The following LINC00305 variants were observed in gnomAD, a reference collection of about 807,000 sequenced individuals.
LINC00305 encodes long intergenic non-protein coding RNA 305.
chr18:64,101,383 G>A (rs2051267438), intron 1 of LINC00305, among the ~76,000 whole-genome samples: 1 of 152,154 alleles, frequency 6.6e-6, no homozygotes, highest in Non-Finnish European at 1.5e-5. Context: ...GTTGTTGAGA[G>A]GCGCATGCTC....
At chr18:64,109,452 TTG>T (rs2051305695) in intron 1 of LINC00305, among the ~76,000 whole-genome samples, 1 of 152,210 alleles carries the variant, frequency 6.6e-6, no homozygotes, top group Non-Finnish European at 1.5e-5. Context: ...AACAACAAAT[TTG>T]TGTTTCATGT....
At chr18:64,118,824 CTGTG>C (rs58215196) in intron 1 of LINC00305, among the ~76,000 whole-genome samples, 17,587 of 144,160 alleles carry the variant, frequency 0.12, 1,116 homozygotes, top group East Asian at 0.19. Context: ...CCCTGGGGGT[CTGTG>C]TGTGTGTGTG....
chr18:64,134,674 G>A (rs950321545), intron 1 of LINC00305, among the ~76,000 whole-genome samples: 3 of 152,108 alleles, frequency 2.0e-5, no homozygotes, highest in East Asian at 1.9e-4. Context: ...TCCAAGTTAC[G>A]TCATTTTCTT....
chr18:64,117,073 C>T (rs1332022265), intron 1 of LINC00305, among the ~76,000 whole-genome samples: 1 of 152,180 alleles, frequency 6.6e-6, no homozygotes, highest in African/African-American at 2.4e-5. Context: ...TCCTTGCTCA[C>T]TCTAATAAAT....
chr18:64,147,519 A>G (rs1166971063), intron 1 of LINC00305: 4 of 152,194 alleles, frequency 2.6e-5, no homozygotes, highest in East Asian at 1.9e-4. Context: ...TACAACTGAT[A>G]TACAAATACT....
chr18:64,095,127 G>T (rs1212455353), intron 3 of LINC00305, among the ~76,000 whole-genome samples: 2 of 152,032 alleles, frequency 1.3e-5, no homozygotes, highest in African/African-American at 4.8e-5. Context: ...AAACAGCAAG[G>T]ATGACAAAAA....
intron 3 of LINC00305, among the ~76,000 whole-genome samples, chr18:64,092,467 C>T (rs1308624933): frequency 6.6e-6 from 1 of 152,106 alleles, no homozygotes; most frequent in African/African-American, 2.4e-5. Context: ...GAGGCTGAGG[C>T]CGGAGAATCG....
At chr18:64,081,184 C>A (rs1197558768) in intron 3 of LINC00305, among the ~76,000 whole-genome samples, 1 of 152,166 alleles carries the variant, frequency 6.6e-6, no homozygotes, top group Non-Finnish European at 1.5e-5. Context: ...GTCACATTGC[C>A]TTTTGGCAAG....
chr18:64,143,827 A>G (rs373071541), intron 1 of LINC00305, among the ~76,000 whole-genome samples: 1 of 151,112 alleles, frequency 6.6e-6, no homozygotes, highest in African/African-American at 2.4e-5. Context: ...ATACACAGAG[A>G]TAATTCTTAT....
At chr18:64,101,330 C>T (rs1327151590) in intron 1 of LINC00305, among the ~76,000 whole-genome samples, 1 of 152,164 alleles carries the variant, frequency 6.6e-6, no homozygotes, top group Non-Finnish European at 1.5e-5. Flanking sequence ...GTTGATGTCA[C>T]AGAGTTCCAG....
chr18:64,097,529 CTT>C (rs1395773817), intron 3 of LINC00305, among the ~76,000 whole-genome samples: 3 of 151,900 alleles, frequency 2.0e-5, no homozygotes, highest in Non-Finnish European at 4.4e-5. Context: ...CACAAGGTGT[CTT>C]TTATATAATT....
chr18:64,111,313 T>C (rs1319296473), intron 1 of LINC00305, among the ~76,000 whole-genome samples: 3 of 152,156 alleles, frequency 2.0e-5, no homozygotes, highest in African/African-American at 4.8e-5. Flanking sequence ...ATTTTCATGA[T>C]GAGACTGTAA....
chr18:64,123,367 C>T (rs1291100721), intron 1 of LINC00305, among the ~76,000 whole-genome samples: 1 of 152,098 alleles, frequency 6.6e-6, no homozygotes, highest in East Asian at 1.9e-4. Context: ...GAATTATCTT[C>T]TGATAATGCA....
chr18:64,100,807 A>T (rs552628984), intron 1 of LINC00305, among the ~76,000 whole-genome samples: 14 of 152,246 alleles, frequency 9.2e-5, no homozygotes, highest in Non-Finnish European at 1.8e-4. Context: ...CTATGTTCAG[A>T]TTCAGGGCTT....
chr18:64,111,759 A>G (rs1385627821), intron 1 of LINC00305, among the ~76,000 whole-genome samples: 1 of 152,204 alleles, frequency 6.6e-6, no homozygotes, highest in Non-Finnish European at 1.5e-5. Context: ...CAAGTCGTCC[A>G]AGCTCCTTCA....
At chr18:64,143,563 TATATAC>T (rs1262524690) in intron 1 of LINC00305, among the ~76,000 whole-genome samples, 225 of 19,814 alleles carry the variant, frequency 0.011, 14 homozygotes, top group African/African-American at 0.034. Context: ...TATGTGTACA[TATATAC>T]ACATATGTAT....
chr18:64,083,920 G>A (rs1238215210), intron 3 of LINC00305, among the ~76,000 whole-genome samples: 1 of 152,162 alleles, frequency 6.6e-6, no homozygotes, highest in African/African-American at 2.4e-5. Context: ...TCTTAGACAT[G>A]CACTTTGTTC....
At chr18:64,109,887 C>A (rs1480174654) in intron 1 of LINC00305, among the ~76,000 whole-genome samples, 1 of 152,224 alleles carries the variant, frequency 6.6e-6, no homozygotes, top group African/African-American at 2.4e-5. Context: ...CAACCTGTGG[C>A]CTGTGGGCCG....
intron 1 of LINC00305, among the ~76,000 whole-genome samples, chr18:64,119,280 G>A (rs2051351461): frequency 6.6e-6 from 1 of 152,100 alleles, no homozygotes; most frequent in South Asian, 2.1e-4. Flanking sequence ...ATTCCAAGCT[G>A]ATGGACTGAC....
Sources: gnomAD v4.1 joint callset for allele counts (sites outside exome capture counted in the v4.1 genomes callset) on GRCh38, gnomAD v4.1.1 for gene constraint, MANE v1.5 for transcripts, NCBI Gene and HGNC (gene_info 2026-07-23, HGNC 2026-07-21) for gene names.